Variants in PIK3C2G observed in about 807,000 individuals in gnomAD.
The protein encoded by PIK3C2G is phosphatidylinositol-4-phosphate 3-kinase catalytic subunit type 2 gamma, also known as phosphatidylinositol 3-kinase C2 domain-containing subunit gamma.
Under a neutral mutation model 181.1 loss-of-function variants are expected in PIK3C2G, and 168 were observed. The observed-to-expected ratio is 0.93, with a 90% CI of 0.82 to 1.05. PIK3C2G has a LOEUF of 1.05. PIK3C2G is among the 50% of genes least tolerant of loss of function. The probability of loss-of-function intolerance (pLI) is 0.00; values close to 1 mark genes in which losing one functional copy is unlikely to be tolerated. For missense variants in PIK3C2G, 1,869 were observed against 1,732.8 expected (o/e 1.08, Z -1.40); for synonymous variants, 573 against 592.2 (o/e 0.97, Z 0.47).
chr12:18,621,704 T>G lies in PIK3C2G; in HGVS notation c.4182+12075T>G, dbSNP rs1345525125. ...GCTCTCTTACAATCATGCAAAGTGC[T>G]AGACACACGGTGGTTAGATTTTTAA... On this transcript the variant is annotated intron_variant, in intron 31 of 32. Coordinates refer to ENST00000538779, the MANE Select transcript of PIK3C2G (RefSeq NM_001288772.2). Among the ~76,000 whole-genome samples, 5 of 151,978 alleles carry G rather than the reference T, an allele frequency of 3.3e-5. No individual in the cohort carries two copies. The East Asian group carries it at 9.6e-4, about 29-fold the overall frequency.
At chr12:18,449,210 G>C (rs573337892) in intron 18 of PIK3C2G, among the ~76,000 whole-genome samples, 1 of 152,054 alleles carries the variant, frequency 6.6e-6, no homozygotes, top group South Asian at 2.1e-4. Context: ...CTATGTCTCT[G>C]CTTTCATGCC....
intron 6 of PIK3C2G, among the ~76,000 whole-genome samples, chr12:18,316,819 G>A (rs933211661): frequency 6.6e-6 from 1 of 151,962 alleles, no homozygotes; most frequent in Admixed American, 6.6e-5. Flanking sequence ...TATGCAATAA[G>A]TATTTGCTAT....
chr12:18,395,113 TTCTC>T (rs1943794584), intron 15 of PIK3C2G, among the ~76,000 whole-genome samples: 1 of 150,852 alleles, frequency 6.6e-6, no homozygotes, highest in Non-Finnish European at 1.5e-5. Context: ...CATTCTTTCT[TTCTC>T]TCTTTCCCTT....
chr12:18,484,987 G>A (rs866875733), intron 18 of PIK3C2G, among the ~76,000 whole-genome samples: 13 of 152,236 alleles, frequency 8.5e-5, no homozygotes, highest in South Asian at 2.1e-4. Context: ...AGTGGGAAGG[G>A]GAAGCCCTGG....
chr12:18,456,293 G>C (rs1947623795), intron 18 of PIK3C2G, among the ~76,000 whole-genome samples: 1 of 152,168 alleles, frequency 6.6e-6, no homozygotes, highest in South Asian at 2.1e-4. Context: ...GGGAGTTTAA[G>C]AGGGGAGGTT....
chr12:18,711,260 C>A, the PIK3C2G span, among the ~76,000 whole-genome samples: 29 of 151,142 alleles, frequency 1.9e-4, no homozygotes, highest in Non-Finnish European at 3.7e-4. Flanking sequence ...TGGAAACCAT[C>A]ATTCTCAGCA....
At chr12:18,392,303 G>A (rs1362347108) in intron 15 of PIK3C2G, among the ~76,000 whole-genome samples, 2 of 152,060 alleles carry the variant, frequency 1.3e-5, no homozygotes, top group African/African-American at 4.8e-5. Flanking sequence ...TTTTCTGGAG[G>A]AGGAATTAGT....
Position 18,621,157 on chromosome 12 carries a change from A to C in PIK3C2G, c.4182+11528A>C, listed in dbSNP as rs560638672. ...TTTCAGCATCTGGGAATAGAGGCTG[A>C]GTGTCAGGAAGTTTGGAATCATTTA... On this transcript the variant is annotated intron_variant, in intron 31 of 32. Coordinates refer to ENST00000538779, the MANE Select transcript of PIK3C2G (RefSeq NM_001288772.2). Among the ~76,000 whole-genome samples the C allele has an allele frequency of 4.6e-5, 7 of 151,932 alleles. No homozygotes were observed. In the South Asian group the frequency reaches 1.5e-3, roughly 32 times the overall value.
chr12:18,339,189 T>C (rs1467155018), intron 9 of PIK3C2G, among the ~76,000 whole-genome samples: 1 of 152,124 alleles, frequency 6.6e-6, no homozygotes, highest in Non-Finnish European at 1.5e-5. Context: ...AGAAAAATAT[T>C]ACGACATCTG....
intron 24 of PIK3C2G, among the ~76,000 whole-genome samples, chr12:18,524,004 C>A (rs1943075341): frequency 6.6e-6 from 1 of 152,282 alleles, no homozygotes; most frequent in South Asian, 2.1e-4. Context: ...TGGTATGGCA[C>A]CTCCACTGGC....
chr12:18,544,354 G>A (rs886418094), intron 25 of PIK3C2G, among the ~76,000 whole-genome samples: 2 of 151,840 alleles, frequency 1.3e-5, no homozygotes, highest in African/African-American at 4.8e-5. Context: ...CTAGAAGTTT[G>A]TATGCTTATG....
At chr12:18,414,256 G>A (rs1945041819) in intron 16 of PIK3C2G, among the ~76,000 whole-genome samples, 1 of 151,992 alleles carries the variant, frequency 6.6e-6, no homozygotes, top group South Asian at 2.1e-4. Flanking sequence ...TAACTAGTTG[G>A]ACAAGCTTTA....
At chr12:18,242,990 C>T (rs890498873), upstream of PIK3C2G, among the ~76,000 whole-genome samples, 1 of 152,102 alleles carries the variant, frequency 6.6e-6, no homozygotes, top group African/African-American at 2.4e-5. Context: ...AGCCTCTGAC[C>T]TTGCCCTGTT....
intron 30 of PIK3C2G, among the ~76,000 whole-genome samples, chr12:18,600,482 G>C (rs1037800531): frequency 6.6e-6 from 1 of 151,888 alleles, no homozygotes; most frequent in African/African-American, 2.4e-5. Context: ...GATAAAAGTA[G>C]ACTTCAAATA....
At chr12:18,718,907 T>C in the PIK3C2G span, among the ~76,000 whole-genome samples, 4 of 152,196 alleles carry the variant, frequency 2.6e-5, no homozygotes, top group Non-Finnish European at 4.4e-5. Flanking sequence ...TTGTTAGGTA[T>C]AAAATCAGCA....
intron 23 of PIK3C2G, 120 bp downstream of exon 23, chr12:18,503,537 GC>G: frequency 1.7e-6 from 1 of 603,590 alleles, no homozygotes; most frequent in Non-Finnish European, 2.6e-6. Context: ...AATTCAATCA[GC>G]CCAGTAATTA....
intron 6 of PIK3C2G, among the ~76,000 whole-genome samples, chr12:18,319,577 G>A (rs1951017017): frequency 6.6e-6 from 1 of 152,074 alleles, no homozygotes; most frequent in Admixed American, 6.5e-5. Flanking sequence ...AAGGTACTAT[G>A]ACTAATACCG....
intron 5 of PIK3C2G, among the ~76,000 whole-genome samples, chr12:18,303,100 C>CCCTT (rs1950246060): frequency 1.3e-5 from 1 of 75,068 alleles, no homozygotes; most frequent in African/African-American, 5.7e-5. Context: ...TCTTTTCTTT[C>CCCTT]TCTTTCTTTC....
intron 3 of PIK3C2G, among the ~76,000 whole-genome samples, chr12:18,289,694 A>T (rs779398579): frequency 1.3e-5 from 2 of 152,188 alleles, no homozygotes; most frequent in African/African-American, 4.8e-5. Flanking sequence ...ACACGAGTGG[A>T]TACAGATGCA....
Sources: allele counts gnomAD v4.1 joint callset (sites outside exome capture counted in the v4.1 genomes callset), GRCh38; gene constraint gnomAD v4.1.1; transcripts MANE v1.5; gene names NCBI Gene and HGNC (gene_info 2026-07-23, HGNC 2026-07-21).